Variants in CREB5 observed in about 807,000 individuals in gnomAD.
The protein encoded by CREB5 is cAMP responsive element binding protein 5, also known as cyclic AMP-responsive element-binding protein 5.
In CREB5, 19 loss-of-function variants were observed where a neutral mutation model predicts 57.1. The ratio of observed to expected loss-of-function variants is 0.33; its 90% confidence interval spans 0.23 to 0.49. The LOEUF (loss-of-function observed/expected upper bound fraction) is 0.49, where lower values mean the gene tolerates loss of function less well. Among genes scored for constraint, CREB5 ranks in the 20% least tolerant of loss-of-function variants. The probability of loss-of-function intolerance (pLI) is 0.99; values close to 1 mark genes in which losing one functional copy is unlikely to be tolerated. For missense variants in CREB5, 579 were observed against 671.6 expected (o/e 0.86, Z 1.52); for synonymous variants, 238 against 238.3 (o/e 1.00, Z 0.01).
intron 5 of CREB5, among the ~76,000 whole-genome samples, chr7:28,644,639 A>C (rs905638): frequency 0.026 from 4,013 of 152,248 alleles, 81 homozygotes; most frequent in Non-Finnish European, 0.039. Context: ...GAAATGTTTC[A>C]ATTTCAATTT....
intron 8 of CREB5, among the ~76,000 whole-genome samples, chr7:28,805,479 G>A (rs1383324476): frequency 3.3e-5 from 5 of 152,036 alleles, no homozygotes; most frequent in Admixed American, 6.5e-5. Context: ...GCATGGAACC[G>A]CCAAAAAACA....
At chr7:28,572,279 C>T (rs1363524834) in intron 5 of CREB5, among the ~76,000 whole-genome samples, 1 of 152,212 alleles carries the variant, frequency 6.6e-6, no homozygotes, top group Non-Finnish European at 1.5e-5. Flanking sequence ...TTCGAATGCT[C>T]GGCTTTGTTG....
At chr7:28,331,992 T>C (rs1179956504) in intron 1 of CREB5, among the ~76,000 whole-genome samples, 5 of 152,232 alleles carry the variant, frequency 3.3e-5, no homozygotes, top group Non-Finnish European at 1.5e-5. Context: ...AAAGAGTCTT[T>C]GCAGATGTAA....
chr7:28,349,288 T>A (rs1422965925), intron 1 of CREB5, among the ~76,000 whole-genome samples: 1 of 152,198 alleles, frequency 6.6e-6, no homozygotes, highest in Middle Eastern at 3.2e-3. Context: ...TTTTCCAATT[T>A]TTCCCTCTTA....
intron 5 of CREB5, among the ~76,000 whole-genome samples, chr7:28,589,602 G>A (rs932617828): frequency 2.6e-5 from 4 of 152,064 alleles, no homozygotes; most frequent in Non-Finnish European, 5.9e-5. Context: ...ATTTCTTTGT[G>A]GTTCTTTTTG....
intron 5 of CREB5, among the ~76,000 whole-genome samples, chr7:28,647,978 C>A (rs1798952506): frequency 6.6e-6 from 1 of 152,104 alleles, no homozygotes; most frequent in African/African-American, 2.4e-5. Context: ...TTGAATTTGA[C>A]AATAACCACA....
chr7:28,326,453 T>G (rs561588413), intron 1 of CREB5, among the ~76,000 whole-genome samples: 2 of 152,316 alleles, frequency 1.3e-5, no homozygotes, highest in East Asian at 3.9e-4. Context: ...TCATGCCAAT[T>G]GGGAATCCAT....
At chr7:28,737,405 C>T (rs1804039412) in intron 7 of CREB5, among the ~76,000 whole-genome samples, 1 of 151,332 alleles carries the variant, frequency 6.6e-6, no homozygotes, top group Non-Finnish European at 1.5e-5. Flanking sequence ...CCCTCTGTTC[C>T]TCATTTCCCC....
intron 7 of CREB5, among the ~76,000 whole-genome samples, chr7:28,784,301 C>A (rs1168823530): frequency 6.6e-6 from 1 of 151,952 alleles, no homozygotes; most frequent in Non-Finnish European, 1.5e-5. Flanking sequence ...GCTGACCCAG[C>A]CCTGATAAAT....
At chr7:28,749,055 C>T (rs1804835549) in intron 7 of CREB5, among the ~76,000 whole-genome samples, 1 of 152,172 alleles carries the variant, frequency 6.6e-6, no homozygotes, top group Non-Finnish European at 1.5e-5. Flanking sequence ...GAGCCAACTG[C>T]AACTTGGATT....
At chr7:28,664,829 G>A (rs910396453) in intron 5 of CREB5, among the ~76,000 whole-genome samples, 2 of 152,134 alleles carry the variant, frequency 1.3e-5, no homozygotes, top group Non-Finnish European at 2.9e-5. Context: ...GAGCAAAAAG[G>A]GAAGAAAAAG....
intron 5 of CREB5, among the ~76,000 whole-genome samples, chr7:28,584,391 G>A (rs1562812354): frequency 6.6e-6 from 1 of 152,146 alleles, no homozygotes; most frequent in African/African-American, 2.4e-5. Flanking sequence ...TGGAGGATTT[G>A]GGTGAGTCCT....
chr7:28,560,973 C>CGTGCGTGCGCGT (rs1795222771), intron 4 of CREB5, among the ~76,000 whole-genome samples: 5 of 31,722 alleles, frequency 1.6e-4, no homozygotes, highest in African/African-American at 6.3e-4. Flanking sequence ...TGTGTGTGTG[C>CGTGCGTGCGCGT]GTGTGTGCGT....
At chr7:28,574,909 G>T (rs1456897182) in intron 5 of CREB5, among the ~76,000 whole-genome samples, 1 of 152,114 alleles carries the variant, frequency 6.6e-6, no homozygotes, top group Admixed American at 6.6e-5. Flanking sequence ...TAGGCATTTG[G>T]TTATAAACCC....
chr7:28,448,242 C>T (rs931959431), intron 1 of CREB5, among the ~76,000 whole-genome samples: 1 of 152,224 alleles, frequency 6.6e-6, no homozygotes, highest in Admixed American at 6.5e-5. Flanking sequence ...ACTGGCTCTC[C>T]TTGCTCAGCA....
chr7:28,314,896 G>A (rs1277896816), intron 1 of CREB5, among the ~76,000 whole-genome samples: 1 of 152,208 alleles, frequency 6.6e-6, no homozygotes, highest in Non-Finnish European at 1.5e-5. Flanking sequence ...GAAGGCTGTA[G>A]AAAGCCTAAC....
chr7:28,356,779 G>T (rs1028949781), intron 1 of CREB5, among the ~76,000 whole-genome samples: 1 of 152,140 alleles, frequency 6.6e-6, no homozygotes, highest in African/African-American at 2.4e-5. Flanking sequence ...ATTGACAAAG[G>T]GCACACACAC....
intron 5 of CREB5, among the ~76,000 whole-genome samples, chr7:28,692,200 C>T (rs1281311478): frequency 1.6e-5 from 2 of 127,366 alleles, no homozygotes; most frequent in Non-Finnish European, 3.4e-5. Context: ...AAAAAAAAAG[C>T]AGCAGCTGTG....
At chr7:28,464,989 C>T (rs139143666) in intron 1 of CREB5, among the ~76,000 whole-genome samples, 173 of 152,234 alleles carry the variant, frequency 1.1e-3, no homozygotes, top group African/African-American at 3.9e-3. Context: ...ACTCAGATAA[C>T]CTGGACACTT....
Sources: allele counts gnomAD v4.1 joint callset (sites outside exome capture counted in the v4.1 genomes callset), GRCh38; gene constraint gnomAD v4.1.1; transcripts MANE v1.5; gene names NCBI Gene and HGNC (gene_info 2026-07-23, HGNC 2026-07-21).